Variants in IL18RAP observed in about 807,000 individuals in gnomAD.
The protein encoded by IL18RAP is interleukin 18 receptor accessory protein, also known as interleukin-18 receptor accessory protein.
A neutral mutation model predicts 58.1 loss-of-function variants in IL18RAP; 37 were observed. The ratio of observed to expected loss-of-function variants is 0.64; its 90% CI spans 0.49 to 0.84. The LOEUF (loss-of-function observed/expected upper bound fraction) is 0.84, where lower values mean the gene tolerates loss of function less well. IL18RAP is among the 40% of genes least tolerant of loss of function. IL18RAP has a pLI of 0.00. For missense variants in IL18RAP, 667 were observed against 704.8 expected (o/e 0.95, Z 0.61); for synonymous variants, 268 against 257.5 (o/e 1.04, Z -0.39).
At chr2:102,424,896 T>G (rs1278853518) in intron 3 of IL18RAP, among the ~76,000 whole-genome samples, 1 of 152,186 alleles carries the variant, frequency 6.6e-6, no homozygotes, top group African/African-American at 2.4e-5. Flanking sequence ...ACAGATGTCT[T>G]GCACAGGTGA....
chr2:102,444,513 G>A (rs1320355130), intron 6 of IL18RAP, among the ~76,000 whole-genome samples: 1 of 152,234 alleles, frequency 6.6e-6, no homozygotes, highest in Non-Finnish European at 1.5e-5. Context: ...GAAGCACTCA[G>A]TGAATAGGAG....
At chr2:102,424,558 C>A in intron 3 of IL18RAP, 144 bp downstream of exon 3, 1 of 669,650 alleles carries the variant, frequency 1.5e-6, no homozygotes, top group Non-Finnish European at 2.5e-6. Context: ...GGAGATCTGA[C>A]TTTCTAAAAT....
chr2:102,434,222 G>A (rs1171341501), intron 3 of IL18RAP: 1 of 152,180 alleles, frequency 6.6e-6, no homozygotes, highest in African/African-American at 2.4e-5. Flanking sequence ...GTTCAGAACA[G>A]AATATTGCCA....
chr2:102,437,555 A>T (rs891536660), intron 4 of IL18RAP, among the ~76,000 whole-genome samples, 193 bp downstream of exon 4: 1 of 152,202 alleles, frequency 6.6e-6, no homozygotes, highest in Non-Finnish European at 1.5e-5. Context: ...AACAGTTTCA[A>T]ATTCTCACAA....
intron 3 of IL18RAP, among the ~76,000 whole-genome samples, chr2:102,430,442 T>C (rs990340517): frequency 1.3e-5 from 2 of 152,080 alleles, no homozygotes; most frequent in African/African-American, 4.8e-5. Context: ...CTAGTCTATA[T>C]GTGTCCTTAT....
chr2:102,445,437 AT>A, intron 7 of IL18RAP, 97 bp downstream of exon 7: 1 of 1,261,464 alleles, frequency 7.9e-7, no homozygotes. Flanking sequence ...CAGCGATTAC[AT>A]TTTCTAGGTG....
chr2:102,444,930 C>T (rs1683322134), intron 6 of IL18RAP, among the ~76,000 whole-genome samples: 1 of 152,150 alleles, frequency 6.6e-6, no homozygotes, highest in Non-Finnish European at 1.5e-5. Context: ...TATCTATTCT[C>T]AAGGGGAATT....
rs752303773 is a variant in IL18RAP, at chr2:102,451,939, C to G, written c.1558C>G (p.Pro520Ala). 1.2e-6 allele frequency: 2 copies of G among 1,614,168 alleles called. No individual in the cohort carries two copies. Among genetic ancestry groups the G allele is most frequent in the Non-Finnish European group, 1.7e-6 (2 of 1,180,022 alleles). ...ILIKFCYFQE[P>A]ESLPHLVKKA... ...AATTAAGTTCTGTTACTTCCAAGAG[C>G]CAGAGTCTCTACCTCATCTCGTGAA... Residue 520 changes from proline to alanine, a missense_variant, in exon 10 of 10, where the codon CCA becomes GCA. Transcript: ENST00000687160.
At position 102,424,372 on chromosome 2, in the gene IL18RAP, C is replaced by G. The variant is rs1280903506; in HGVS notation, c.537C>G (p.Ser179Arg). The change falls in exon 3 of 10, where the codon AGC (serine) becomes AGG (arginine). Residue 179 changes from serine to arginine, a missense_variant. Coordinates refer to ENST00000687160, the MANE Select transcript of IL18RAP (RefSeq NM_001393487.1). ...STGSISCPSL[S>R]CQSDAQSPAV... ...GCTCTATTTCTTGCCCCAGTCTCAG[C>G]TGCCAAAGTGATGCACAAAGTCCAG... 1 of 1,614,054 alleles carries G rather than the reference C, an allele frequency of 6.2e-7. No individual in the cohort carries two copies. Among genetic ancestry groups the G allele is most frequent in the Admixed American group, 1.7e-5 (1 of 60,008 alleles).
chr2:102,447,989 C>T (rs577944322), intron 8 of IL18RAP, among the ~76,000 whole-genome samples: 1 of 152,136 alleles, frequency 6.6e-6, no homozygotes, highest in Admixed American at 6.5e-5. Context: ...CCGCCTCGGC[C>T]TCCCAAAGTG....
At position 102,443,207 on chromosome 2, in the gene IL18RAP, T is replaced by G. The variant is rs769084327; in HGVS notation, c.804T>G (p.Pro268=). 1.9e-6 allele frequency: 3 copies of G among 1,611,736 alleles called. No individual in the cohort carries two copies. In the African/African-American group the frequency reaches 4.0e-5, roughly 22 times the overall value. ...TGGCCTCTTCATTTTCAGGAAAGCC[T>G]TTAACTATTAGCTGCAAAGCACGAT... ...EDTLEVELGK[P]LTISCKARFG... is the part of the protein sequence containing the mutation. Residue 268 remains proline, a synonymous_variant, in exon 6 of 10, where the codon CCT becomes CCG. Transcript: ENST00000687160.
intron 4 of IL18RAP, chr2:102,439,938 A>G (rs920068238): frequency 2.0e-5 from 3 of 152,280 alleles, no homozygotes; most frequent in Non-Finnish European, 4.4e-5. Context: ...GGGCATAGAG[A>G]CAGAAGGGGC....
At chr2:102,423,437 T>G in intron 1 of IL18RAP, 90 bp downstream of exon 1, 1 of 1,097,650 alleles carries the variant, frequency 9.1e-7, no homozygotes, top group Non-Finnish European at 1.4e-6. Flanking sequence ...GTGTGATATA[T>G]TAATACAAAC....
chr2:102,421,559 C>A (rs1192095284), upstream of IL18RAP, among the ~76,000 whole-genome samples: 2 of 152,196 alleles, frequency 1.3e-5, no homozygotes, highest in African/African-American at 4.8e-5. Context: ...TCTTTAAAGG[C>A]CATTGCTGAT....
chr2:102,422,472 G>T (rs1371544042), upstream of IL18RAP, among the ~76,000 whole-genome samples: 1 of 152,158 alleles, frequency 6.6e-6, no homozygotes, highest in Non-Finnish European at 1.5e-5. Flanking sequence ...CTGAAACTGA[G>T]ACCCTGCTCT....
chr2:102,441,244 C>T, intron 4 of IL18RAP, 68 bp from the exon 5 acceptor site: 1 of 1,221,334 alleles, frequency 8.2e-7, no homozygotes, highest in Non-Finnish European at 1.2e-6. Flanking sequence ...GGCTGTGCAC[C>T]TAAATCTTCA....
intron 4 of IL18RAP, 99 bp downstream of exon 4, chr2:102,437,461 A>T: frequency 8.3e-7 from 1 of 1,204,896 alleles, no homozygotes; most frequent in Non-Finnish European, 1.2e-6. Flanking sequence ...AAAGAAAAGG[A>T]TAGTCATATA....
intron 3 of IL18RAP, among the ~76,000 whole-genome samples, chr2:102,435,591 G>T (rs1279166119): frequency 6.6e-6 from 1 of 152,148 alleles, no homozygotes; most frequent in East Asian, 1.9e-4. Flanking sequence ...TGAAAGAAAT[G>T]CAGGTCTTTG....
chr2:102,427,821 T>A (rs1682054466), intron 3 of IL18RAP, among the ~76,000 whole-genome samples: 1 of 152,040 alleles, frequency 6.6e-6, no homozygotes, highest in Admixed American at 6.6e-5. Context: ...TTAGAAGTTT[T>A]ACAACTTTAG....
Sources: gnomAD v4.1 joint callset for allele counts (sites outside exome capture counted in the v4.1 genomes callset) on GRCh38, gnomAD v4.1.1 for gene constraint, MANE v1.5 for transcripts, NCBI Gene and HGNC (gene_info 2026-07-23, HGNC 2026-07-21) for gene names.